The following ARHGAP26 variants were observed in gnomAD, a reference collection of about 807,000 sequenced individuals.
ARHGAP26 encodes the protein Rho GTPase activating protein 26.
Under a neutral mutation model 104.8 loss-of-function variants are expected in ARHGAP26, and 38 were observed. The ratio of observed to expected loss-of-function variants is 0.36; its 90% CI spans 0.28 to 0.48. The LOEUF is 0.48. ARHGAP26 is among the 20% of genes least tolerant of loss of function. ARHGAP26 has a pLI of 0.99. For missense variants in ARHGAP26, 704 were observed against 947.9 expected, an observed-to-expected ratio of 0.74 and a Z score of 3.38; for synonymous variants, 341 against 340.0, an observed-to-expected ratio of 1.00 and a Z score of -0.03.
At chr5:143,194,885 TTG>T (rs1370152826) in intron 20 of ARHGAP26, among the ~76,000 whole-genome samples, 1 of 146,538 alleles carries the variant, frequency 6.8e-6, no homozygotes. Flanking sequence ...GCGCCAGCCA[TTG>T]TGGAGGGCCA....
chr5:143,159,246 A>G (rs1400079940), intron 20 of ARHGAP26, among the ~76,000 whole-genome samples: 1 of 152,218 alleles, frequency 6.6e-6, no homozygotes, highest in African/African-American at 2.4e-5. Flanking sequence ...GGTGAACCCA[A>G]CAGGAAGCCC....
At chr5:142,886,133 A>G (rs1457081457) in intron 5 of ARHGAP26, among the ~76,000 whole-genome samples, 1 of 152,214 alleles carries the variant, frequency 6.6e-6, no homozygotes, top group African/African-American at 2.4e-5. Context: ...TGGAACCTCA[A>G]ATTTGGCTTT....
chr5:143,134,835 T>TA (rs1228553649), intron 19 of ARHGAP26, among the ~76,000 whole-genome samples: 1 of 152,268 alleles, frequency 6.6e-6, no homozygotes, highest in Non-Finnish European at 1.5e-5. Context: ...CATAGGAAGT[T>TA]ATGCGAATTA....
At position 143,023,447 on chromosome 5, in the gene ARHGAP26, A is replaced by G. The variant is rs141322736; in HGVS notation, c.1144+9331A>G. On this transcript the variant is annotated intron_variant, in intron 12 of 22. Coordinates refer to ENST00000645722, the MANE Select transcript of ARHGAP26 (RefSeq NM_001135608.3). ...TGGGATCGCCTGGGCCACTATTTTTAAAAGACATCTAAAGCCTTCAGCCAT... is the reference window on the plus strand; with the variant it reads ...TGGGATCGCCTGGGCCACTATTTTTGAAAGACATCTAAAGCCTTCAGCCAT... 1.9e-3 allele frequency among the ~76,000 whole-genome samples: 285 copies of G among 152,144 alleles called. 1 individual carries two copies. The highest frequency in any genetic ancestry group is 5.6e-3 in the African/African-American group (231 of 41,508).
intron 1 of ARHGAP26, among the ~76,000 whole-genome samples, chr5:142,793,921 G>A (rs1760411719): frequency 1.3e-5 from 2 of 152,144 alleles, no homozygotes; most frequent in Admixed American, 1.3e-4. Flanking sequence ...TGTAGAGGCG[G>A]TGCTTTCTTC....
chr5:142,800,320 GTC>G (rs554534447), intron 1 of ARHGAP26, among the ~76,000 whole-genome samples: 2 of 150,844 alleles, frequency 1.3e-5, no homozygotes, highest in East Asian at 1.9e-4. Context: ...GTCTGTCTCT[GTC>G]TCTCTCTCTC....
At chr5:142,837,349 G>GT (rs10708371) in intron 1 of ARHGAP26, among the ~76,000 whole-genome samples, 2,244 of 146,988 alleles carry the variant, frequency 0.015, 48 homozygotes, top group African/African-American at 0.051. Context: ...GCAAAATTCT[G>GT]TTTTTTTTTT....
At chr5:142,989,492 T>C (rs1054599328) in intron 11 of ARHGAP26, among the ~76,000 whole-genome samples, 2 of 152,208 alleles carry the variant, frequency 1.3e-5, no homozygotes, top group African/African-American at 4.8e-5. Context: ...GTTAATATTG[T>C]TATGCATGAA....
At chr5:143,210,040 A>G (rs143818085) in intron 21 of ARHGAP26, among the ~76,000 whole-genome samples, 7 of 152,180 alleles carry the variant, frequency 4.6e-5, no homozygotes, top group Admixed American at 3.3e-4. Flanking sequence ...ATTGAATTAG[A>G]TCTAATCAGT....
intron 20 of ARHGAP26, among the ~76,000 whole-genome samples, chr5:143,164,162 A>C (rs984400170): frequency 1.1e-4 from 16 of 151,902 alleles, no homozygotes; most frequent in East Asian, 1.9e-4. Flanking sequence ...AATAAAATTT[A>C]GTTCATATCT....
At chr5:143,050,145 C>T (rs1021880576) in intron 14 of ARHGAP26, among the ~76,000 whole-genome samples, 7 of 152,176 alleles carry the variant, frequency 4.6e-5, no homozygotes, top group African/African-American at 1.7e-4. Context: ...ACATTGTTTC[C>T]CCAGCTGGAT....
At chr5:142,900,725 A>T (rs868685259) in intron 6 of ARHGAP26, among the ~76,000 whole-genome samples, 2 of 150,772 alleles carry the variant, frequency 1.3e-5, no homozygotes, top group Non-Finnish European at 3.0e-5. Flanking sequence ...AGTAAAGTAA[A>T]TTTTTTTTTT....
intron 11 of ARHGAP26, among the ~76,000 whole-genome samples, chr5:142,987,019 G>A (rs951260354): frequency 1.3e-5 from 2 of 152,176 alleles, no homozygotes; most frequent in Non-Finnish European, 2.9e-5. Context: ...CTTTAGGGTA[G>A]TTTTTTCCAA....
At chr5:142,810,016 A>C (rs1027824403) in intron 1 of ARHGAP26, among the ~76,000 whole-genome samples, 1 of 152,178 alleles carries the variant, frequency 6.6e-6, no homozygotes, top group Non-Finnish European at 1.5e-5. Flanking sequence ...AAAAGTGTTT[A>C]TCTCTCCCTG....
chr5:143,076,430 C>T (rs1225010606), intron 17 of ARHGAP26, among the ~76,000 whole-genome samples: 1 of 152,040 alleles, frequency 6.6e-6, no homozygotes. Flanking sequence ...TGAAATAGAG[C>T]AAAATGCACA....
At chr5:142,914,285 C>T (rs1762206776) in intron 10 of ARHGAP26, among the ~76,000 whole-genome samples, 1 of 152,206 alleles carries the variant, frequency 6.6e-6, no homozygotes, top group Admixed American at 6.5e-5. Flanking sequence ...AGACAGCGTG[C>T]CCCCTTAGCC....
At chr5:143,032,948 G>A (rs1782103373) in intron 12 of ARHGAP26, among the ~76,000 whole-genome samples, 1 of 152,204 alleles carries the variant, frequency 6.6e-6, no homozygotes, top group Admixed American at 6.5e-5. Flanking sequence ...TAGAGCAGTG[G>A]TTGATAACCT....
rs565808211 is a variant in ARHGAP26, at chr5:142,978,926, A to T, written c.1108-35154A>T. On this transcript the variant is annotated intron_variant, in intron 11 of 22. Transcript: ENST00000645722. ...AGGAATTAAAGCATTGCTGATTCAT[A>T]TCCTCTGATAAAGCAATGCTAGGGT... 3.3e-5 allele frequency among the ~76,000 whole-genome samples: 5 copies of T among 152,340 alleles called. No homozygotes were observed. In the East Asian group the frequency reaches 9.6e-4, roughly 29 times the overall value.
rs575593812 is a variant in ARHGAP26, at chr5:143,138,417, A to C, written c.1837+4312A>C. 9.2e-5 allele frequency among the ~76,000 whole-genome samples: 14 copies of C among 152,358 alleles called. No homozygotes were observed. The South Asian group carries it at 2.7e-3, about 29-fold the overall frequency. ...GGATTTAGAAAGCATCGTAGCAACAAATACAAACCATCAGGAAACCACTGA... is the reference window on the plus strand; with the variant it reads ...GGATTTAGAAAGCATCGTAGCAACACATACAAACCATCAGGAAACCACTGA... On this transcript the variant is annotated intron_variant, in intron 19 of 22. Transcript: ENST00000645722.
Sources: gnomAD v4.1 joint callset for allele counts (sites outside exome capture counted in the v4.1 genomes callset) on GRCh38, gnomAD v4.1.1 for gene constraint, MANE v1.5 for transcripts, NCBI Gene and HGNC (gene_info 2026-07-23, HGNC 2026-07-21) for gene names.